Variants in SLCO2B1 observed in about 807,000 individuals in gnomAD.
The protein encoded by SLCO2B1 is OATP-RP2.
Under a neutral mutation model 67.3 loss-of-function variants are expected in SLCO2B1, and 41 were observed. The observed-to-expected ratio is 0.61, with a 90% CI of 0.47 to 0.79. The LOEUF is 0.79. Ranked by LOEUF, SLCO2B1 falls within the 30% of genes least tolerant of loss-of-function variation. The pLI, the probability that SLCO2B1 is intolerant of heterozygous loss-of-function variation, is 0.00. For missense variants in SLCO2B1, 837 were observed against 920.1 expected, an observed-to-expected ratio of 0.91 and a Z score of 1.17; for synonymous variants, 379 against 381.4, an observed-to-expected ratio of 0.99 and a Z score of 0.07.
intron 2 of SLCO2B1, chr11:75,163,043 G>T: frequency 3.5e-6 from 1 of 289,370 alleles, no homozygotes; most frequent in Non-Finnish European, 6.4e-6. Flanking sequence ...GGCACCCCTT[G>T]TTTCCCACTT....
At chr11:75,200,965 G>C (rs1304667397) in intron 11 of SLCO2B1, 1 of 151,974 alleles carries the variant, frequency 6.6e-6, no homozygotes, top group Non-Finnish European at 1.5e-5. Flanking sequence ...TTCAAAGTCA[G>C]GGTCTCCTGG....
At chr11:75,167,011 T>C (rs1591814220) in intron 4 of SLCO2B1, among the ~76,000 whole-genome samples, 2 of 152,260 alleles carry the variant, frequency 1.3e-5, no homozygotes, top group Admixed American at 1.3e-4. Context: ...AGGGTTGGCG[T>C]GAGCACGGGC....
chr11:75,189,518 G>T (rs956159854), intron 8 of SLCO2B1, among the ~76,000 whole-genome samples: 32 of 152,218 alleles, frequency 2.1e-4, no homozygotes, highest in African/African-American at 7.7e-4. Context: ...CCGTTATTCT[G>T]ACCATGCCCT....
intron 1 of SLCO2B1, among the ~76,000 whole-genome samples, chr11:75,155,725 T>A (rs1451809090): frequency 1.3e-5 from 2 of 152,126 alleles, no homozygotes; most frequent in African/African-American, 2.4e-5. Context: ...CCCAAAGTGC[T>A]GAGATTACAG....
chr11:75,178,754 A>G (rs572337473), intron 7 of SLCO2B1, among the ~76,000 whole-genome samples: 1 of 152,348 alleles, frequency 6.6e-6, no homozygotes, highest in South Asian at 2.1e-4. Context: ...TCTCCTGTCT[A>G]ACTGAAATTT....
At chr11:75,204,246 A>G (rs1301187024) in intron 13 of SLCO2B1, 154 bp from the exon 14 acceptor site, 3 of 742,510 alleles carry the variant, frequency 4.0e-6, no homozygotes, top group East Asian at 5.4e-5. Context: ...GCTCCTCTGC[A>G]GAGCCTCTCC....
At chr11:75,177,880 G>C (rs1950044487) in intron 7 of SLCO2B1, among the ~76,000 whole-genome samples, 2 of 152,110 alleles carry the variant, frequency 1.3e-5, no homozygotes, top group Admixed American at 6.6e-5. Flanking sequence ...CACATCACTT[G>C]AGGTCAGGAG....
At chr11:75,198,540 G>A (rs11826592) in intron 10 of SLCO2B1, among the ~76,000 whole-genome samples, 68 of 152,354 alleles carry the variant, frequency 4.5e-4, no homozygotes, top group African/African-American at 1.6e-3. Context: ...ACCAGACATT[G>A]CCCAGAGTCT....
intron 10 of SLCO2B1, among the ~76,000 whole-genome samples, chr11:75,196,888 G>C (rs1274672080): frequency 6.6e-6 from 1 of 152,224 alleles, no homozygotes; most frequent in Non-Finnish European, 1.5e-5. Context: ...CCAACACTTT[G>C]GGAGGCCGAG....
Position 75,196,576 on chromosome 11 carries a change from G to A in SLCO2B1, c.1496G>A (p.Gly499Asp). The A allele has an allele frequency of 1.2e-6, 2 of 1,614,138 alleles. No individual in the cohort carries two copies. Among genetic ancestry groups the A allele is most frequent in the Non-Finnish European group, 1.7e-6 (2 of 1,180,040 alleles). ...CMEACSCPLD[G>D]FNPVCDPSTR... is the part of the protein sequence containing the mutation. ...GAGGCCTGCTCCTGCCCATTGGACG[G>A]CTTTAACCCTGTCTGCGACCCCAGC... The change falls in exon 10 of 14, where the codon GGC becomes GAC. Residue 499 changes from glycine to aspartate, a missense_variant. Gly to Asp is a moderately conservative substitution (Grantham distance 94). Coordinates refer to ENST00000289575, the MANE Select transcript of SLCO2B1 (RefSeq NM_007256.5).
chr11:75,164,750 A>G (rs1158957292), intron 3 of SLCO2B1, among the ~76,000 whole-genome samples: 1 of 152,118 alleles, frequency 6.6e-6, no homozygotes, highest in Non-Finnish European at 1.5e-5. Context: ...GTAATGTGTC[A>G]TATTTCTCAC....
chr11:75,187,698 G>C (rs1205369102), intron 7 of SLCO2B1, among the ~76,000 whole-genome samples: 1 of 152,114 alleles, frequency 6.6e-6, no homozygotes, highest in Non-Finnish European at 1.5e-5. Flanking sequence ...TCATGACAGA[G>C]ACAACAATAA....
intron 6 of SLCO2B1, 34 bp downstream of exon 6, chr11:75,169,798 A>C (rs1171059513): frequency 6.4e-7 from 1 of 1,569,600 alleles, no homozygotes; most frequent in Non-Finnish European, 8.8e-7. Flanking sequence ...GCTAGACCCT[A>C]GCTAACTGAC....
rs138773402 is a variant in SLCO2B1, at chr11:75,200,264, C to G, written c.1640C>G (p.Pro547Arg). The change falls in exon 11 of 14, where the codon CCC becomes CGC. Residue 547 changes from proline (P) to arginine (R), a missense_variant. Physicochemically the swap from Pro to Arg is moderately radical, Grantham distance 103. Transcript: ENST00000289575. ...TGCAGCTGCGTGGTGGAGGGCAACC[C>G]CGTGCTGGCAGGATCCTGCGACTCA... ...TNCSCVVEGN[P>R]VLAGSCDSTC... The G allele has an allele frequency of 1.8e-4, 288 of 1,613,752 alleles. No homozygotes were observed. Among genetic ancestry groups the G allele is most frequent in the Non-Finnish European group, 2.4e-4 (281 of 1,179,892 alleles).
At chr11:75,176,117 C>A (rs1040257478) in intron 7 of SLCO2B1, among the ~76,000 whole-genome samples, 1 of 152,196 alleles carries the variant, frequency 6.6e-6, no homozygotes, top group African/African-American at 2.4e-5. Flanking sequence ...CCTGCTAGGC[C>A]CATGGACTCC....
chr11:75,152,874 A>G (rs1949707661), intron 1 of SLCO2B1, among the ~76,000 whole-genome samples: 1 of 152,006 alleles, frequency 6.6e-6, no homozygotes, highest in African/African-American at 2.4e-5. Context: ...GGGGTGTGGG[A>G]ATGTGGGTGG....
At chr11:75,157,926 C>G (rs1013858531) in intron 1 of SLCO2B1, among the ~76,000 whole-genome samples, 1 of 152,196 alleles carries the variant, frequency 6.6e-6, no homozygotes, top group Non-Finnish European at 1.5e-5. Context: ...GTTGGAATTA[C>G]AGGCGTGAGC....
Position 75,187,532 on chromosome 11 carries a change from T to C in SLCO2B1, c.973-604T>C, listed in dbSNP as rs553374261. ...GTGATGATGGCAGTGGCGATGGAGA[T>C]GAGGCTGGTGATACTGATCTTGGTG... On this transcript the variant is annotated intron_variant, in intron 7 of 13. Transcript: ENST00000289575. Among the ~76,000 whole-genome samples the C allele has an allele frequency of 8.5e-5, 13 of 152,258 alleles. No homozygotes were observed. In the South Asian group the frequency reaches 2.3e-3, roughly 27 times the overall value.
rs1945060248 is a variant in SLCO2B1 at position 75,193,629 on chromosome 11, G to T, written c.1433+54G>T. ...AAGCCTGGGAGGACAGGACAGGGAG[G>T]ACAGGGGCCCTGGGCAGAGGCCAGG... On this transcript the variant is annotated intron_variant, in intron 9 of 13. Coordinates refer to ENST00000289575, the MANE Select transcript of SLCO2B1 (RefSeq NM_007256.5). The surrounding 1 kb of genome is among the most constrained non-coding windows in gnomAD (Gnocchi z 4.2). 6.8e-7 allele frequency: 1 copy of T among 1,466,628 alleles called. No individual in the cohort carries two copies. The highest frequency in any genetic ancestry group is 1.4e-5 in the African/African-American group (1 of 71,158). 90.9% of individuals were successfully genotyped at this position (1,466,628 alleles called of 1,614,324 possible).
Sources: allele counts gnomAD v4.1 joint callset (sites outside exome capture counted in the v4.1 genomes callset), GRCh38; gene constraint gnomAD v4.1.1; non-coding constraint Gnocchi (gnomAD v3.1); transcripts MANE v1.5; gene names NCBI Gene and HGNC (gene_info 2026-07-23, HGNC 2026-07-21).